Variants in LRRC69 observed in about 807,000 individuals in gnomAD.
LRRC69 encodes leucine-rich repeat-containing protein 69.
LRRC69 carries 42 observed loss-of-function variants against 37.8 expected under a neutral mutation model. The ratio of observed to expected loss-of-function variants is 1.11; its 90% CI spans 0.87 to 1.44. LRRC69 has a LOEUF of 1.44. Among genes scored for constraint, LRRC69 ranks in the 40% most tolerant of loss-of-function variants. The probability of loss-of-function intolerance (pLI) is 0.00; values close to 1 mark genes in which losing one functional copy is unlikely to be tolerated. For missense variants in LRRC69, 357 were observed against 401.9 expected, an observed-to-expected ratio of 0.89 and a Z score of 0.96; for synonymous variants, 141 against 143.1, an observed-to-expected ratio of 0.99 and a Z score of 0.11.
chr8:91,200,080 A>G (rs1336194631), intron 6 of LRRC69, among the ~76,000 whole-genome samples: 2 of 152,142 alleles, frequency 1.3e-5, no homozygotes, highest in African/African-American at 4.8e-5. Context: ...TCAAATTTCA[A>G]TATGCGTATA....
intron 7 of LRRC69, among the ~76,000 whole-genome samples, chr8:91,204,512 T>C (rs1809766207): frequency 6.6e-6 from 1 of 152,192 alleles, no homozygotes; most frequent in Non-Finnish European, 1.5e-5. Flanking sequence ...TAGAGTTTGC[T>C]CTGTCAGTCT....
At chr8:91,205,458 G>A (rs1809788485) in intron 7 of LRRC69, 1 of 152,064 alleles carries the variant, frequency 6.6e-6, no homozygotes, top group African/African-American at 2.4e-5. Context: ...CCTGATGCCA[G>A]GTATTCACGT....
chr8:91,104,117 G>A (rs1293890534), intron 1 of LRRC69, among the ~76,000 whole-genome samples: 1 of 151,774 alleles, frequency 6.6e-6, no homozygotes, highest in Non-Finnish European at 1.5e-5. Flanking sequence ...TATCTATTGT[G>A]TATTGATCCA....
chr8:91,198,027 G>T (rs547853013), intron 6 of LRRC69, among the ~76,000 whole-genome samples: 1 of 152,004 alleles, frequency 6.6e-6, no homozygotes, highest in Admixed American at 6.6e-5. Context: ...ATTTCTACTG[G>T]GCATTTAGTC....
intron 5 of LRRC69, among the ~76,000 whole-genome samples, chr8:91,186,804 G>T (rs1435678794): frequency 6.6e-6 from 1 of 152,120 alleles, no homozygotes; most frequent in Non-Finnish European, 1.5e-5. Flanking sequence ...ATTGTGTGGG[G>T]GTGGTGAGGA....
At chr8:91,214,483 C>T (rs1302184225) in intron 7 of LRRC69, among the ~76,000 whole-genome samples, 1 of 152,080 alleles carries the variant, frequency 6.6e-6, no homozygotes, top group African/African-American at 2.4e-5. Context: ...AATAGAAACC[C>T]TCATTAATGA....
chr8:91,181,313 G>A (rs986894893), intron 5 of LRRC69, among the ~76,000 whole-genome samples: 10 of 152,066 alleles, frequency 6.6e-5, no homozygotes, highest in Non-Finnish European at 1.2e-4. Flanking sequence ...AACACATTTA[G>A]GCTATGAAAA....
chr8:91,208,418 G>A (rs1454095733), intron 7 of LRRC69, among the ~76,000 whole-genome samples: 1 of 152,208 alleles, frequency 6.6e-6, no homozygotes, highest in Non-Finnish European at 1.5e-5. Flanking sequence ...TTATTAAAAG[G>A]TGGCAAAAGC....
chr8:91,184,092 A>G (rs1401326243), intron 5 of LRRC69, among the ~76,000 whole-genome samples: 3 of 152,160 alleles, frequency 2.0e-5, no homozygotes, highest in South Asian at 4.1e-4. Context: ...GACCTGGGCA[A>G]TATGGTGAAA....
chr8:91,199,248 A>T (rs1809673287), intron 6 of LRRC69, among the ~76,000 whole-genome samples: 1 of 152,242 alleles, frequency 6.6e-6, no homozygotes, highest in Non-Finnish European at 1.5e-5. Flanking sequence ...AGAAAGGGTG[A>T]AAATAAACAT....
At chr8:91,194,380 T>A (rs1306361246) in intron 6 of LRRC69, among the ~76,000 whole-genome samples, 1 of 151,598 alleles carries the variant, frequency 6.6e-6, no homozygotes, top group African/African-American at 2.4e-5. Context: ...TTAGGGAGGA[T>A]TCTCTATTGT....
At chr8:91,153,757 A>T (rs1446625807) in intron 5 of LRRC69, among the ~76,000 whole-genome samples, 1 of 152,002 alleles carries the variant, frequency 6.6e-6, no homozygotes, top group East Asian at 1.9e-4. Context: ...CACATAAGAA[A>T]GCTAGAAAGA....
chr8:91,191,899 G>C (rs62526731), intron 6 of LRRC69, among the ~76,000 whole-genome samples: 4,852 of 151,938 alleles, frequency 0.032, 87 homozygotes, highest in Middle Eastern at 0.045. Flanking sequence ...CATTGTGCAG[G>C]TTAGTTACAT....
At chr8:91,200,479 G>C (rs868701547) in intron 6 of LRRC69, 134 bp from the exon 7 acceptor site, 30 of 561,632 alleles carry the variant, frequency 5.3e-5, no homozygotes, top group African/African-American at 5.3e-4. Flanking sequence ...CAATTCATTA[G>C]ATACACTGCA....
At chr8:91,204,761 A>T (rs1193553639) in intron 7 of LRRC69, among the ~76,000 whole-genome samples, 2 of 152,238 alleles carry the variant, frequency 1.3e-5, no homozygotes, top group South Asian at 2.1e-4. Context: ...CCTGGATGAG[A>T]TCATCACTAC....
At chr8:91,194,314 TG>T (rs1435566068) in intron 6 of LRRC69, among the ~76,000 whole-genome samples, 4 of 150,780 alleles carry the variant, frequency 2.7e-5, no homozygotes, top group Non-Finnish European at 5.9e-5. Flanking sequence ...TTCTCTTTTT[TG>T]GTTGTGTCTC....
At chr8:91,103,734 A>G (rs1813260671) in intron 1 of LRRC69, among the ~76,000 whole-genome samples, 1 of 152,068 alleles carries the variant, frequency 6.6e-6, no homozygotes, top group Non-Finnish European at 1.5e-5. Flanking sequence ...CTTTATAAGA[A>G]ATAGGGTAAC....
intron 6 of LRRC69, among the ~76,000 whole-genome samples, chr8:91,198,424 A>T (rs756865709): frequency 1.1e-4 from 16 of 152,308 alleles, no homozygotes; most frequent in Middle Eastern, 3.4e-3. Flanking sequence ...TTTGCTCTTG[A>T]TGCTACGTTT....
intron 5 of LRRC69, among the ~76,000 whole-genome samples, chr8:91,139,917 C>T (rs1313195479): frequency 6.6e-6 from 1 of 151,336 alleles, no homozygotes; most frequent in African/African-American, 2.4e-5. Context: ...GGAGAAACTC[C>T]GTCTCTACTA....
Sources: gnomAD v4.1 joint callset for allele counts (sites outside exome capture counted in the v4.1 genomes callset) on GRCh38, gnomAD v4.1.1 for gene constraint, MANE v1.5 for transcripts, NCBI Gene and HGNC (gene_info 2026-07-23, HGNC 2026-07-21) for gene names.